DCDC1: variants seen among roughly 807,000 people sequenced by gnomAD.
DCDC1 encodes doublecortin domain containing 1, also known as doublecortin domain-containing protein 1.
A neutral mutation model predicts 178.3 loss-of-function variants in DCDC1; 200 were observed. The ratio of observed to expected loss-of-function variants is 1.12; its 90% CI spans 1.00 to 1.26. DCDC1 has a LOEUF of 1.26. DCDC1 is among the 50% of genes most tolerant of loss of function. The pLI is 0.00. For synonymous variants in DCDC1, 690 were observed against 604.8 expected (o/e 1.14, Z -2.07); for missense variants, 1,983 against 1,749.2 (o/e 1.13, Z -2.38).
chr11:30,993,545 C>T (rs1171348643), intron 20 of DCDC1, among the ~76,000 whole-genome samples: 1 of 151,936 alleles, frequency 6.6e-6, no homozygotes, highest in Non-Finnish European at 1.5e-5. Context: ...AAAACTATTT[C>T]TAAAATTGAT....
chr11:31,256,569 G>A (rs552928392), intron 8 of DCDC1, among the ~76,000 whole-genome samples: 5 of 152,238 alleles, frequency 3.3e-5, no homozygotes, highest in East Asian at 1.9e-4. Flanking sequence ...ACTGAGTGGC[G>A]TCATGTTTTG....
intron 20 of DCDC1, among the ~76,000 whole-genome samples, chr11:31,022,952 C>T (rs1440259178): frequency 2.0e-5 from 3 of 152,022 alleles, no homozygotes; most frequent in African/African-American, 7.2e-5. Flanking sequence ...CCATCATTTG[C>T]CCATCATGAC....
At chr11:31,096,201 A>C (rs1377989522) in intron 15 of DCDC1, among the ~76,000 whole-genome samples, 1 of 152,234 alleles carries the variant, frequency 6.6e-6, no homozygotes, top group African/African-American at 2.4e-5. Flanking sequence ...TAAAAAATAC[A>C]GCAACACCAC....
At chr11:31,064,723 T>C in intron 19 of DCDC1, 97 bp from the exon 20 acceptor site, 1 of 674,460 alleles carries the variant, frequency 1.5e-6, no homozygotes, top group Admixed American at 2.2e-5. Flanking sequence ...GTTTTCATGG[T>C]GCCTTCAGTG....
chr11:31,223,470 T>G (rs1334853906), intron 9 of DCDC1, among the ~76,000 whole-genome samples: 1 of 152,186 alleles, frequency 6.6e-6, no homozygotes, highest in Admixed American at 6.5e-5. Flanking sequence ...ACTGCATACT[T>G]TTTTCATACT....
chr11:30,903,595 C>T lies in DCDC1; in HGVS notation c.4397G>A (p.Arg1466His), dbSNP rs374709749. 78 of 1,610,510 alleles carry T rather than the reference C, an allele frequency of 4.8e-5. No individual in the cohort carries two copies. Among genetic ancestry groups the T allele is most frequent in the Admixed American group, 4.4e-4 (26 of 59,554 alleles). Residue 1466 changes from arginine to histidine, a missense_variant, in exon 32 of 39, where the codon CGT becomes CAT. Transcript: ENST00000684477. Reference sequence around the variant, plus strand: ...ATCTAGAGCCCATAAAACCAAATCACGCAAGGTAAAGATTGGGGTTCCATC... The same window carrying T: ...ATCTAGAGCCCATAAAACCAAATCATGCAAGGTAAAGATTGGGGTTCCATC... ...TKDGTPIFTLRDLVLWALDES... is the reference protein window; with the variant it reads ...TKDGTPIFTLHDLVLWALDES...
At chr11:30,885,496 T>C (rs1040259378) in intron 36 of DCDC1, among the ~76,000 whole-genome samples, 21 of 151,980 alleles carry the variant, frequency 1.4e-4, no homozygotes, top group African/African-American at 5.1e-4. Flanking sequence ...CTTTTATCAA[T>C]ATGAAAAATA....
intron 20 of DCDC1, among the ~76,000 whole-genome samples, chr11:31,001,475 T>C (rs1488038118): frequency 6.6e-6 from 1 of 152,230 alleles, no homozygotes; most frequent in Admixed American, 6.5e-5. Context: ...TTTTGCTCCC[T>C]ATCCAGGGCT....
At position 30,938,629 on chromosome 11, in the gene DCDC1, G is replaced by A. The variant is rs543050277; in HGVS notation, c.2716-6677C>T. Among the ~76,000 whole-genome samples, 10 of 152,218 alleles carry A rather than the reference G, an allele frequency of 6.6e-5. No homozygotes were observed. In the South Asian group the frequency reaches 2.1e-3, roughly 32 times the overall value. ...ACCCATCTCTTCTTGTGAGGATGGG[G>A]TTTTATTATTCACATAGAGAATTAA... On this transcript the variant is annotated intron_variant, in intron 21 of 38. Coordinates refer to ENST00000684477, the MANE Select transcript of DCDC1 (RefSeq NM_001387274.1).
intron 23 of DCDC1, among the ~76,000 whole-genome samples, chr11:30,923,838 A>C (rs1343274796): frequency 1.3e-5 from 2 of 151,948 alleles, no homozygotes; most frequent in Non-Finnish European, 2.9e-5. Context: ...GGTAGTCTTG[A>C]ACTCTTAAGC....
At chr11:30,878,483 A>G in intron 38 of DCDC1, 61 bp downstream of exon 38, 1 of 1,362,972 alleles carries the variant, frequency 7.3e-7, no homozygotes, top group Non-Finnish European at 9.7e-7. Flanking sequence ...ACTGCATGAA[A>G]ATAAAAGAGA....
intron 27 of DCDC1, 82 bp from the exon 28 acceptor site, chr11:30,911,502 C>T: frequency 2.0e-6 from 2 of 1,002,376 alleles, no homozygotes; most frequent in Non-Finnish European, 3.1e-6. Flanking sequence ...ACTGTGTTGC[C>T]TCTCAGCTCC....
At chr11:31,331,151 A>G (rs1469278428) in intron 2 of DCDC1, among the ~76,000 whole-genome samples, 1 of 152,118 alleles carries the variant, frequency 6.6e-6, no homozygotes, top group East Asian at 1.9e-4. Context: ...CTTTGTAGCA[A>G]TTGTGAAGGG....
chr11:31,268,687 G>A (rs780342277), intron 7 of DCDC1, among the ~76,000 whole-genome samples: 19 of 152,104 alleles, frequency 1.2e-4, no homozygotes, highest in Non-Finnish European at 1.9e-4. Context: ...ATGAACACAC[G>A]AGTGCATGCG....
At chr11:31,078,783 C>T (rs547962510) in intron 17 of DCDC1, among the ~76,000 whole-genome samples, 1 of 152,182 alleles carries the variant, frequency 6.6e-6, no homozygotes. Context: ...AGAATCCTAG[C>T]CTCAGAGGTT....
chr11:31,227,349 G>C (rs1975122456), intron 9 of DCDC1, among the ~76,000 whole-genome samples: 1 of 152,036 alleles, frequency 6.6e-6, no homozygotes, highest in Non-Finnish European at 1.5e-5. Context: ...GAGAGAAGGG[G>C]GAAGTTCCAG....
intron 20 of DCDC1, among the ~76,000 whole-genome samples, chr11:31,021,111 C>T (rs1952848057): frequency 6.6e-6 from 1 of 152,194 alleles, no homozygotes; most frequent in African/African-American, 2.4e-5. Flanking sequence ...ATGCAACAGG[C>T]ACTTTTACAT....
Position 31,182,664 on chromosome 11 carries a change from C to T in DCDC1, c.1222-44880G>A, listed in dbSNP as rs576581784. 7.2e-5 allele frequency among the ~76,000 whole-genome samples: 11 copies of T among 152,182 alleles called. No homozygotes were observed. The South Asian group carries it at 1.2e-3, about 17-fold the overall frequency. On this transcript the variant is annotated intron_variant, in intron 9 of 38. Transcript: ENST00000684477. ...CAAAAACATACCAAATTGTAAAGGCCGTCAACACCATGAAGAAACTGCATC... is the reference window on the plus strand; with the variant it reads ...CAAAAACATACCAAATTGTAAAGGCTGTCAACACCATGAAGAAACTGCATC...
At chr11:31,334,899 C>T (rs1227100692) in intron 2 of DCDC1, among the ~76,000 whole-genome samples, 2 of 152,176 alleles carry the variant, frequency 1.3e-5, no homozygotes, top group African/African-American at 4.8e-5. Context: ...TCTCTGAGCT[C>T]AAACACAGTG....
Sources: gnomAD v4.1 joint callset for allele counts (sites outside exome capture counted in the v4.1 genomes callset) on GRCh38, gnomAD v4.1.1 for gene constraint, MANE v1.5 for transcripts, NCBI Gene and HGNC (gene_info 2026-07-23, HGNC 2026-07-21) for gene names.